The following USP25 variants were observed in gnomAD, a reference collection of about 807,000 sequenced individuals.
USP25 encodes the protein ubiquitin carboxyl-terminal hydrolase 25.
A neutral mutation model predicts 158.5 loss-of-function variants in USP25; 85 were observed. That is an observed-to-expected ratio of 0.54 (90% CI 0.45 to 0.64). The LOEUF is 0.64. Ranked by LOEUF, USP25 falls within the 30% of genes least tolerant of loss-of-function variation. The pLI is 0.00. For synonymous variants in USP25, 464 were observed against 460.4 expected, an observed-to-expected ratio of 1.01 and a Z score of -0.10; for missense variants, 1,242 against 1,327.3, an observed-to-expected ratio of 0.94 and a Z score of 1.00.
chr21:15,780,576 G>A (rs551217771), intron 4 of USP25, among the ~76,000 whole-genome samples: 6 of 152,280 alleles, frequency 3.9e-5, no homozygotes, highest in African/African-American at 1.4e-4. Context: ...CAAAGAGCAC[G>A]CACCTTCAAC....
chr21:15,847,818 G>T, intron 19 of USP25, 42 bp downstream of exon 19: 1 of 1,358,970 alleles, frequency 7.4e-7, no homozygotes, highest in Non-Finnish European at 1.0e-6. Context: ...CTTAACTTTT[G>T]CTATTTAATA....
intron 1 of USP25, among the ~76,000 whole-genome samples, chr21:15,751,840 A>AT (rs1174465232): frequency 1.3e-5 from 2 of 152,164 alleles, no homozygotes; most frequent in Non-Finnish European, 2.9e-5. Context: ...GAGTAACAGT[A>AT]TTTTTTGGGA....
intron 3 of USP25, among the ~76,000 whole-genome samples, chr21:15,775,361 A>G (rs2034577930): frequency 6.6e-6 from 1 of 152,166 alleles, no homozygotes; most frequent in South Asian, 2.1e-4. Flanking sequence ...TAGGTTCTTT[A>G]AAAAATCACT....
chr21:15,845,634 A>G (rs2038548026), intron 18 of USP25, among the ~76,000 whole-genome samples: 1 of 152,126 alleles, frequency 6.6e-6, no homozygotes, highest in African/African-American at 2.4e-5. Flanking sequence ...TTTTGTAAGG[A>G]TTAATATTCT....
rs1185088374 is a variant in USP25, at chr21:15,793,453, A to AT, written c.555+1800dup. 2.9e-3 allele frequency among the ~76,000 whole-genome samples: 428 copies of AT among 146,368 alleles called. 4 individuals are homozygous for AT. Among genetic ancestry groups the AT allele is most frequent in the African/African-American group, 8.9e-3 (357 of 40,070 alleles). ...TTTCTAGCTTTTCTTTTTAGCTTAGATTTTTTTTTTTAAGAAGGAGGGAAT... is the reference window on the plus strand; with the variant it reads ...TTTCTAGCTTTTCTTTTTAGCTTAGATTTTTTTTTTTTAAGAAGGAGGGAAT... On this transcript the variant is annotated intron_variant, in intron 5 of 25. Transcript: ENST00000400183.
chr21:15,748,120 T>G (rs1389286354), intron 1 of USP25, among the ~76,000 whole-genome samples: 1 of 152,192 alleles, frequency 6.6e-6, no homozygotes, highest in East Asian at 1.9e-4. Flanking sequence ...GCATGTTGTT[T>G]GAGTAGATGT....
intron 9 of USP25, among the ~76,000 whole-genome samples, chr21:15,814,229 A>G (rs149336946): frequency 0.011 from 1,633 of 151,002 alleles, 16 homozygotes; most frequent in Non-Finnish European, 0.018. Flanking sequence ...GCCTCCTGCC[A>G]TGATTCTGAG....
intron 17 of USP25, among the ~76,000 whole-genome samples, chr21:15,834,503 A>G (rs1003723471): frequency 5.9e-5 from 9 of 151,912 alleles, no homozygotes; most frequent in African/African-American, 2.2e-4. Context: ...TGTTTGTTTA[A>G]TTTCATCTTT....
At position 15,824,991 on chromosome 21, in the gene USP25, A is replaced by T; in HGVS notation, c.1234A>T (p.Thr412Ser). The T allele has an allele frequency of 6.2e-7, 1 of 1,611,756 alleles. No individual in the cohort carries two copies. The highest frequency in any genetic ancestry group is 8.5e-7 in the Non-Finnish European group (1 of 1,178,908). ...ATACATGCACAGAAACAGAGAAATA[A>T]CAAGAATTAAGAGGGAAGAGATCAA... ...DRYMHRNREI[T>S]RIKREEIKRL... Residue 412 changes from threonine (T) to serine (S), a missense_variant, in exon 12 of 26, where the codon ACA becomes TCA. Physicochemically the swap from Thr to Ser is moderately conservative, Grantham distance 58 (BLOSUM62 1). This residue lies in a region of USP25 where 627 missense variants were observed against 701.4 expected (regional missense o/e 0.89). Transcript: ENST00000400183.
chr21:15,771,148 A>C (rs1386178375), intron 3 of USP25, among the ~76,000 whole-genome samples: 1 of 152,208 alleles, frequency 6.6e-6, no homozygotes, highest in African/African-American at 2.4e-5. Flanking sequence ...GCAGAGCCTC[A>C]GTTTACATAG....
At chr21:15,746,478 G>A (rs1413477850) in intron 1 of USP25, among the ~76,000 whole-genome samples, 1 of 151,428 alleles carries the variant, frequency 6.6e-6, no homozygotes, top group South Asian at 2.1e-4. Flanking sequence ...CACTGCAACC[G>A]CCGCCTCCCA....
At chr21:15,808,413 T>TCATAA (rs1331559962) in intron 7 of USP25, among the ~76,000 whole-genome samples, 1 of 152,214 alleles carries the variant, frequency 6.6e-6, no homozygotes, top group Non-Finnish European at 1.5e-5. Context: ...GAGAAGCCAG[T>TCATAA]CATAATTCTT....
chr21:15,828,992 AT>A (rs1397531361), intron 14 of USP25, among the ~76,000 whole-genome samples: 1 of 151,770 alleles, frequency 6.6e-6, no homozygotes. Flanking sequence ...TCCTCAGGAT[AT>A]TTTTTTTCTT....
At chr21:15,846,705 A>C (rs1399978040) in intron 18 of USP25, among the ~76,000 whole-genome samples, 1 of 152,218 alleles carries the variant, frequency 6.6e-6, no homozygotes, top group Non-Finnish European at 1.5e-5. Context: ...CAATTCAGTT[A>C]CTTAAGTTGT....
intron 6 of USP25, among the ~76,000 whole-genome samples, chr21:15,802,596 T>A (rs1424169468): frequency 6.6e-6 from 1 of 150,954 alleles, no homozygotes; most frequent in Non-Finnish European, 1.5e-5. Context: ...TATTGTAAGC[T>A]GAATGAAAAT....
intron 10 of USP25, among the ~76,000 whole-genome samples, chr21:15,819,483 C>T (rs972391661): frequency 1.3e-5 from 2 of 152,128 alleles, no homozygotes; most frequent in South Asian, 2.1e-4. Context: ...AAAGGACATA[C>T]GTGCTTCCCC....
chr21:15,753,109 G>A (rs1321304771), intron 1 of USP25, among the ~76,000 whole-genome samples: 1 of 152,212 alleles, frequency 6.6e-6, no homozygotes, highest in African/African-American at 2.4e-5. Flanking sequence ...GTTTTATGGG[G>A]TGATGGAGAG....
At chr21:15,736,491 A>G (rs2031531890) in intron 1 of USP25, among the ~76,000 whole-genome samples, 1 of 152,158 alleles carries the variant, frequency 6.6e-6, no homozygotes, top group Non-Finnish European at 1.5e-5. Flanking sequence ...CTGATTATCC[A>G]TTTATTAGTC....
At chr21:15,848,803 G>A (rs7278727) in intron 19 of USP25, among the ~76,000 whole-genome samples, 31,232 of 151,924 alleles carry the variant, frequency 0.21, 5,033 homozygotes, top group African/African-American at 0.46. Flanking sequence ...TCTCAAGCAG[G>A]TGTTAGATAT....
Sources: allele counts gnomAD v4.1 joint callset (sites outside exome capture counted in the v4.1 genomes callset), GRCh38; gene constraint gnomAD v4.1.1; regional missense constraint gnomAD v4.1.1; transcripts MANE v1.5; gene names NCBI Gene and HGNC (gene_info 2026-07-23, HGNC 2026-07-21).